GPR176: variants seen among roughly 807,000 people sequenced by gnomAD.
The protein encoded by GPR176 is G protein-coupled receptor 176, also known as G-protein coupled receptor 176.
In GPR176, 26 loss-of-function variants were observed where a neutral mutation model predicts 35.4. The ratio of observed to expected loss-of-function variants is 0.74; its 90% CI spans 0.54 to 1.02. The LOEUF is 1.02. Ranked by LOEUF, GPR176 falls within the 50% of genes least tolerant of loss-of-function variation. The pLI is 0.00. For missense variants in GPR176, 597 were observed against 665.3 expected, an observed-to-expected ratio of 0.90 and a Z score of 1.13; for synonymous variants, 278 against 271.3, an observed-to-expected ratio of 1.02 and a Z score of -0.24.
chr15:39,919,256 T>C (rs1312003458), intron 1 of GPR176, among the ~76,000 whole-genome samples: 5 of 152,134 alleles, frequency 3.3e-5, no homozygotes, highest in African/African-American at 7.2e-5. Flanking sequence ...AAACAACACA[T>C]AGATGGGGAA....
rs423983 is a variant in GPR176 at position 39,846,183 on chromosome 15, A to G, written c.173-38925T>C. ...ACTCTGGGCATTATATACAACAAAC[A>G]TGAGAAGACTCTGAAAGTAGAGATG... is the stretch of plus-strand genomic sequence containing the variant. On this transcript the variant is annotated intron_variant, in intron 1 of 2. Coordinates refer to ENST00000561100, the MANE Select transcript of GPR176 (RefSeq NM_007223.3). 4.6e-3 allele frequency among the ~76,000 whole-genome samples: 702 copies of G among 152,326 alleles called. 4 individuals are homozygous for G. The highest frequency in any genetic ancestry group is 0.016 in the African/African-American group (652 of 41,580).
intron 1 of GPR176, among the ~76,000 whole-genome samples, chr15:39,817,062 C>T (rs1474983417): frequency 4.9e-5 from 1 of 20,368 alleles, no homozygotes; most frequent in Non-Finnish European, 9.6e-5. Flanking sequence ...GAGCAGGATT[C>T]TGTCTCAAAA....
chr15:39,832,550 GA>G (rs1901157247), intron 1 of GPR176, among the ~76,000 whole-genome samples: 1 of 151,960 alleles, frequency 6.6e-6, no homozygotes, highest in East Asian at 1.9e-4. Context: ...CCAGCTTCTA[GA>G]GCAAGGGTGT....
chr15:39,905,971 G>A (rs545403607), intron 1 of GPR176, among the ~76,000 whole-genome samples: 1 of 152,252 alleles, frequency 6.6e-6, no homozygotes, highest in South Asian at 2.1e-4. Flanking sequence ...TACCACTGGG[G>A]GAAACTGGGT....
intron 1 of GPR176, among the ~76,000 whole-genome samples, chr15:39,893,086 TCTAA>T (rs200012716): frequency 0.026 from 3,930 of 151,162 alleles, 113 homozygotes; most frequent in African/African-American, 0.069. Flanking sequence ...AATATTGATC[TCTAA>T]CTCTCTTTTT....
intron 1 of GPR176, among the ~76,000 whole-genome samples, chr15:39,814,237 T>C (rs1287687389): frequency 6.6e-6 from 1 of 152,224 alleles, no homozygotes; most frequent in Non-Finnish European, 1.5e-5. Flanking sequence ...CTTATTAGAC[T>C]TATGTCAGAC....
chr15:39,822,877 C>T (rs1900369474), intron 1 of GPR176, among the ~76,000 whole-genome samples: 1 of 152,310 alleles, frequency 6.6e-6, no homozygotes, highest in East Asian at 1.9e-4. Context: ...AGTCAAGGCA[C>T]ATCAGTCACT....
intron 1 of GPR176, among the ~76,000 whole-genome samples, chr15:39,863,036 T>C (rs2031671201): frequency 6.6e-6 from 1 of 151,864 alleles, no homozygotes; most frequent in African/African-American, 2.4e-5. Context: ...CTAACTAATG[T>C]GTGTGTTTAT....
At chr15:39,818,163 C>T (rs1900041179) in intron 1 of GPR176, among the ~76,000 whole-genome samples, 1 of 152,210 alleles carries the variant, frequency 6.6e-6, no homozygotes, top group African/African-American at 2.4e-5. Flanking sequence ...GTTTGAGCCT[C>T]TTCCTCACTA....
intron 1 of GPR176, among the ~76,000 whole-genome samples, chr15:39,816,669 T>C (rs1002042594): frequency 2.0e-5 from 3 of 152,220 alleles, no homozygotes; most frequent in Admixed American, 6.5e-5. Context: ...TTCATCATTA[T>C]GGAAAGAGTT....
At chr15:39,893,667 CCAGT>C (rs1159720052) in intron 1 of GPR176, among the ~76,000 whole-genome samples, 43 of 151,810 alleles carry the variant, frequency 2.8e-4, no homozygotes, top group African/African-American at 9.7e-4. Context: ...TCCTCACTTC[CCAGT>C]AGGGGCGGCC....
Position 39,799,118 on chromosome 15 carries a change from T to C in GPR176, c.*2014A>G, listed in dbSNP as rs368032490. Reference sequence around the variant, plus strand: ...TAGTCAGCCATCTGCTTCAAACATATATAAGAAACATACCCAACCAGATTC... The same window carrying C: ...TAGTCAGCCATCTGCTTCAAACATACATAAGAAACATACCCAACCAGATTC... On this transcript the variant is annotated 3_prime_UTR_variant, in exon 3 of 3. Transcript: ENST00000561100. 1.5e-4 allele frequency: 22 copies of C among 151,464 alleles called. 1 individual carries two copies. In the East Asian group the frequency reaches 2.0e-3, roughly 13 times the overall value. 9.4% of individuals were successfully genotyped at this position (151,464 alleles called of 1,614,324 possible). A position where few individuals can be genotyped will look rare whatever the true frequency, so the allele number is the denominator to read the frequency against.
intron 1 of GPR176, among the ~76,000 whole-genome samples, chr15:39,812,745 A>ATTT (rs144015459): frequency 5.5e-5 from 8 of 145,154 alleles, no homozygotes; most frequent in Middle Eastern, 7.2e-3. Flanking sequence ...TCTAAGCTTT[A>ATTT]TTTTTTTTTT....
intron 1 of GPR176, among the ~76,000 whole-genome samples, chr15:39,871,087 T>C (rs1448691306): frequency 6.6e-6 from 1 of 152,168 alleles, no homozygotes; most frequent in Non-Finnish European, 1.5e-5. Context: ...TTTAAGTCAC[T>C]AACTGCCAAG....
At chr15:39,873,078 T>A (rs1595497700) in intron 1 of GPR176, among the ~76,000 whole-genome samples, 1 of 151,794 alleles carries the variant, frequency 6.6e-6, no homozygotes, top group Admixed American at 6.6e-5. Flanking sequence ...CAGTGAAGAG[T>A]CCATTCGAAA....
chr15:39,807,971 A>G (rs1367397410), intron 1 of GPR176, among the ~76,000 whole-genome samples: 2 of 152,116 alleles, frequency 1.3e-5, no homozygotes, highest in Non-Finnish European at 2.9e-5. Flanking sequence ...TCTCTCTTTG[A>G]GCATTGTCCT....
chr15:39,855,964 C>A (rs1181004901), intron 1 of GPR176, among the ~76,000 whole-genome samples: 1 of 152,178 alleles, frequency 6.6e-6, no homozygotes, highest in Non-Finnish European at 1.5e-5. Context: ...GAGTAGATAT[C>A]ATTATTCATT....
chr15:39,801,855 G>A lies in GPR176; in HGVS notation c.825C>T (p.Phe275=), dbSNP rs780819196. The change falls in exon 3 of 3, where the codon TTC becomes TTT. Residue 275 remains phenylalanine (F), a synonymous_variant. Transcript: ENST00000561100. ...TGGCATAGGGCACGCTACACAAGATGAAGACCATCACCATGGAGAGCAGGG... is the reference window on the plus strand; with the variant it reads ...TGGCATAGGGCACGCTACACAAGATAAAGACCATCACCATGGAGAGCAGGG... ...HATLLSMVMV[F]ILCSVPYATL... is the part of the protein sequence containing the mutation. 2 of 1,613,956 alleles carry A rather than the reference G, an allele frequency of 1.2e-6. No homozygotes were observed. Among genetic ancestry groups the A allele is most frequent in the Middle Eastern group, 1.6e-4 (1 of 6,084 alleles).
chr15:39,801,927 G>A lies in GPR176; in HGVS notation c.753C>T (p.Thr251=). The A allele has an allele frequency of 6.2e-7, 1 of 1,614,042 alleles. No homozygotes were observed. Among genetic ancestry groups the A allele is most frequent in the African/African-American group, 1.3e-5 (1 of 75,002 alleles). Residue 251 remains threonine, a synonymous_variant, in exon 3 of 3, where the codon ACC becomes ACT. Coordinates refer to ENST00000561100, the MANE Select transcript of GPR176 (RefSeq NM_007223.3). ...IIAALRTPQN[T]ISIPYASQRE... is the part of the protein sequence containing the mutation. ...GCTGGGAGGCATAGGGAATAGAGAT[G>A]GTGTTCTGTGGGGTCCGGAGCGCTG...
Sources: gnomAD v4.1 joint callset for allele counts (sites outside exome capture counted in the v4.1 genomes callset) on GRCh38, gnomAD v4.1.1 for gene constraint, MANE v1.5 for transcripts, NCBI Gene and HGNC (gene_info 2026-07-23, HGNC 2026-07-21) for gene names.